MYT1L: variants seen among roughly 807,000 people sequenced by gnomAD.
MYT1L encodes the protein myelin transcription factor 1 like, also known as myelin transcription factor 1-like protein.
In MYT1L, 12 loss-of-function variants were observed where a neutral mutation model predicts 126.7. That is an observed-to-expected ratio of 0.09 (90% CI 0.06 to 0.15). The LOEUF is 0.15. Ranked by LOEUF, MYT1L falls within the 10% of genes least tolerant of loss-of-function variation. MYT1L has a pLI of 1.00. For missense variants in MYT1L, 979 were observed against 1,585.2 expected (o/e 0.62, Z 6.49); for synonymous variants, 541 against 604.2 (o/e 0.90, Z 1.53).
At chr2:1,834,876 C>G (rs12465674) in intron 21 of MYT1L, among the ~76,000 whole-genome samples, 6,244 of 74,442 alleles carry the variant, frequency 0.084, 276 homozygotes, top group African/African-American at 0.16. Flanking sequence ...GGTACTCCTC[C>G]ACATACCATG....
rs529612216 is a variant in MYT1L at position 1,917,107 on chromosome 2, C to T, written c.1618+98G>A. 31 of 1,416,784 alleles carry T rather than the reference C, an allele frequency of 2.2e-5. No individual in the cohort carries two copies. Among genetic ancestry groups the T allele is most frequent in the African/African-American group, 2.8e-5 (2 of 70,634 alleles). 87.8% of individuals were successfully genotyped at this position (1,416,784 alleles called of 1,614,324 possible). On this transcript the variant is annotated intron_variant, in intron 11 of 24. Transcript: ENST00000647738. This position sits in a 1 kb window ranked among gnomAD's most constrained non-coding sequence, Gnocchi z 5.9. ...GGGGCCTAGTTAAATCAGGTCGCACCGAGCCGTACAATGGAGATGATGTCA... is the reference window on the plus strand; with the variant it reads ...GGGGCCTAGTTAAATCAGGTCGCACTGAGCCGTACAATGGAGATGATGTCA...
chr2:1,849,243 C>A (rs910157499), intron 19 of MYT1L, among the ~76,000 whole-genome samples: 8 of 152,078 alleles, frequency 5.3e-5, no homozygotes, highest in Non-Finnish European at 1.2e-4. Flanking sequence ...TTACGCCATG[C>A]CGGAAGCTCT....
At chr2:1,819,598 C>T (rs556901864) in intron 21 of MYT1L, among the ~76,000 whole-genome samples, 2 of 152,364 alleles carry the variant, frequency 1.3e-5, no homozygotes, top group Admixed American at 6.5e-5. Flanking sequence ...AGATGCTACA[C>T]TCGGGCCCTG....
At chr2:2,217,323 G>C (rs1287334911) in intron 2 of MYT1L, among the ~76,000 whole-genome samples, 2 of 152,130 alleles carry the variant, frequency 1.3e-5, no homozygotes, top group Admixed American at 1.3e-4. Flanking sequence ...ACCCAGTGGA[G>C]CTTAATCAAG....
intron 4 of MYT1L, among the ~76,000 whole-genome samples, chr2:2,017,899 TTTTTA>T (rs1270439539): frequency 2.6e-5 from 4 of 152,214 alleles, no homozygotes; most frequent in Non-Finnish European, 5.9e-5. Context: ...TAATTTGTTG[TTTTTA>T]TTTAAGTACC....
chr2:1,912,292 G>C lies in MYT1L; in HGVS notation c.1619-182C>G, dbSNP rs540647607. ...AGAAAGAAGGTTGACTGGACCCTAC[G>C]GACCCTACACGAAAGGCCAGAGAAA... On this transcript the variant is annotated intron_variant, in intron 11 of 24. Transcript: ENST00000647738. This position sits in a 1 kb window ranked among gnomAD's most constrained non-coding sequence, Gnocchi z 4.3. Among the ~76,000 whole-genome samples the C allele has an allele frequency of 6.6e-6, 1 of 151,768 alleles. No homozygotes were observed. Among genetic ancestry groups the C allele is most frequent in the Non-Finnish European group, 1.5e-5 (1 of 67,940 alleles).
At chr2:2,282,579 T>G (rs1293866744) in intron 2 of MYT1L, among the ~76,000 whole-genome samples, 1 of 152,214 alleles carries the variant, frequency 6.6e-6, no homozygotes, top group East Asian at 1.9e-4. Flanking sequence ...GTCAAGCAAT[T>G]CTACTGTGAA....
chr2:2,144,029 C>T (rs943143851), intron 3 of MYT1L, among the ~76,000 whole-genome samples: 3 of 152,066 alleles, frequency 2.0e-5, no homozygotes, highest in South Asian at 4.1e-4. Flanking sequence ...CTGGATCAAC[C>T]GTACCCCAAA....
intron 2 of MYT1L, among the ~76,000 whole-genome samples, chr2:2,235,096 G>A (rs1045402162): frequency 2.6e-5 from 4 of 152,164 alleles, no homozygotes; most frequent in African/African-American, 9.7e-5. Flanking sequence ...AGCTAGATTT[G>A]TTGTGGCAAC....
chr2:2,295,707 GACAGAC>G, intron 1 of MYT1L, among the ~76,000 whole-genome samples: 2 of 146,672 alleles, frequency 1.4e-5, no homozygotes, highest in East Asian at 2.1e-4. Context: ...GAGAGAGACA[GACAGAC>G]AGAGAGAGAG....
In MYT1L at chr2:2,100,420, CT is replaced by C. The variant is rs556574264; in HGVS notation, c.-303-46298del. 4.3e-3 allele frequency among the ~76,000 whole-genome samples: 650 copies of C among 152,130 alleles called. 4 individuals are homozygous for C. Among genetic ancestry groups the C allele is most frequent in the Non-Finnish European group, 6.4e-3 (435 of 67,996 alleles). Reference sequence around the variant, plus strand: ...TGGTCTCCCAACCCACTGAGCCCTCCTTTTTTCCAGATTTGTGTCTGAGTTC... The same window carrying C: ...TGGTCTCCCAACCCACTGAGCCCTCCTTTTTCCAGATTTGTGTCTGAGTTC... On this transcript the variant is annotated intron_variant, in intron 3 of 24. Coordinates refer to ENST00000647738, the MANE Select transcript of MYT1L (RefSeq NM_001303052.2).
At chr2:2,108,932 C>T (rs1000884379) in intron 3 of MYT1L, among the ~76,000 whole-genome samples, 1 of 152,210 alleles carries the variant, frequency 6.6e-6, no homozygotes, top group Non-Finnish European at 1.5e-5. Context: ...TGTTGTCTGG[C>T]TGTGGCTGGC....
At chr2:1,846,797 G>C (rs11127312) in intron 19 of MYT1L, among the ~76,000 whole-genome samples, 1 of 151,914 alleles carries the variant, frequency 6.6e-6, no homozygotes, top group Admixed American at 6.5e-5. Context: ...TTTGCACCCT[G>C]TGTGAGGGCA....
chr2:2,117,687 T>C (rs1467929857), intron 3 of MYT1L, among the ~76,000 whole-genome samples: 1 of 152,160 alleles, frequency 6.6e-6, no homozygotes, highest in Non-Finnish European at 1.5e-5. Context: ...TATATTAACT[T>C]AACGGAATAA....
intron 2 of MYT1L, among the ~76,000 whole-genome samples, chr2:2,184,956 C>T (rs1303332412): frequency 6.6e-6 from 1 of 152,196 alleles, no homozygotes; most frequent in Admixed American, 6.5e-5. Context: ...GTAAGCTTCG[C>T]CACCTCTCTG....
At chr2:2,189,283 A>G (rs2092423952) in intron 2 of MYT1L, among the ~76,000 whole-genome samples, 1 of 152,070 alleles carries the variant, frequency 6.6e-6, no homozygotes, top group Non-Finnish European at 1.5e-5. Flanking sequence ...CAGTTCCCAA[A>G]ATGGGGTTCG....
intron 4 of MYT1L, among the ~76,000 whole-genome samples, chr2:2,018,745 G>A (rs189299258): frequency 3.9e-5 from 6 of 152,270 alleles, no homozygotes; most frequent in East Asian, 3.9e-4. Flanking sequence ...CCTGTTTCAC[G>A]CAGAGATCAA....
At chr2:2,139,128 A>T (rs2083540730) in intron 3 of MYT1L, among the ~76,000 whole-genome samples, 1 of 151,932 alleles carries the variant, frequency 6.6e-6, no homozygotes, top group Non-Finnish European at 1.5e-5. Flanking sequence ...CGTGAATCTA[A>T]GAGGACTTCC....
At chr2:2,050,123 T>G (rs935755230) in intron 4 of MYT1L, among the ~76,000 whole-genome samples, 3 of 152,148 alleles carry the variant, frequency 2.0e-5, no homozygotes, top group Non-Finnish European at 1.5e-5. Flanking sequence ...TTACATTAGG[T>G]TCATGATATC....
Sources: allele counts gnomAD v4.1 joint callset (sites outside exome capture counted in the v4.1 genomes callset), GRCh38; gene constraint gnomAD v4.1.1; non-coding constraint Gnocchi (gnomAD v3.1); transcripts MANE v1.5; gene names NCBI Gene and HGNC (gene_info 2026-07-23, HGNC 2026-07-21).